The following TENM3 variants were observed in gnomAD, a reference collection of about 807,000 sequenced individuals.
TENM3 encodes teneurin transmembrane protein 3.
Under a neutral mutation model 255.1 loss-of-function variants are expected in TENM3, and 63 were observed. The observed-to-expected ratio is 0.25, with a 90% confidence interval of 0.20 to 0.30. The LOEUF (loss-of-function observed/expected upper bound fraction) is 0.30. TENM3 is among the 10% of genes least tolerant of loss of function. The pLI is 1.00. For synonymous variants in TENM3, 1,306 were observed against 1,322.3 expected (o/e 0.99, Z 0.27); for missense variants, 2,929 against 3,461.1 (o/e 0.85, Z 3.86).
chr4:182,740,246 A>G (rs1426697367), intron 18 of TENM3, among the ~76,000 whole-genome samples: 1 of 152,216 alleles, frequency 6.6e-6, no homozygotes, highest in East Asian at 1.9e-4. Flanking sequence ...AACAGAGCGG[A>G]TAACTAGTGC....
At chr4:182,331,264 G>C (rs1763736218) in intron 2 of TENM3, among the ~76,000 whole-genome samples, 1 of 152,168 alleles carries the variant, frequency 6.6e-6, no homozygotes, top group Non-Finnish European at 1.5e-5. Flanking sequence ...ACTGCATTTT[G>C]GCCGGGTGCG....
At chr4:181,945,794 C>T in the TENM3 span, among the ~76,000 whole-genome samples, 1 of 152,086 alleles carries the variant, frequency 6.6e-6, no homozygotes, top group Non-Finnish European at 1.5e-5. Context: ...TTGACTCTTT[C>T]CCAAAGGTAA....
chr4:182,589,690 CG>C (rs1746407354), intron 3 of TENM3, among the ~76,000 whole-genome samples: 1 of 151,828 alleles, frequency 6.6e-6, no homozygotes, highest in Non-Finnish European at 1.5e-5. Flanking sequence ...AAACGGTTTG[CG>C]GCCGGGCGCA....
chr4:181,767,168 C>A, the TENM3 span, among the ~76,000 whole-genome samples: 6 of 142,520 alleles, frequency 4.2e-5, no homozygotes, highest in Non-Finnish European at 7.5e-5. Flanking sequence ...AGGAGAATGG[C>A]GTGAACCCGG....
At chr4:181,696,268 C>T in the TENM3 span, among the ~76,000 whole-genome samples, 1 of 152,120 alleles carries the variant, frequency 6.6e-6, no homozygotes, top group African/African-American at 2.4e-5. Context: ...AGACTTACAG[C>T]ACACAGCAGA....
At chr4:181,836,280 TGA>T in the TENM3 span, among the ~76,000 whole-genome samples, 1 of 152,190 alleles carries the variant, frequency 6.6e-6, no homozygotes, top group East Asian at 1.9e-4. Context: ...CTGAATTATT[TGA>T]GATACTAGTC....
At position 182,726,831 on chromosome 4, in the gene TENM3, C is replaced by T. The variant is rs565751161; in HGVS notation, c.2369-2134C>T. Among the ~76,000 whole-genome samples, 11 of 152,262 alleles carry T rather than the reference C, an allele frequency of 7.2e-5. No individual in the cohort carries two copies. The South Asian group carries it at 1.2e-3, about 17-fold the overall frequency. ...GCCTTTTAGACTGGGCAATTTAATT[C>T]AACTTTGTCTGTTTTCTTTTATCTC... On this transcript the variant is annotated intron_variant, in intron 13 of 27. Transcript: ENST00000511685.
chr4:181,701,988 A>T, the TENM3 span, among the ~76,000 whole-genome samples: 1 of 152,198 alleles, frequency 6.6e-6, no homozygotes, highest in Non-Finnish European at 1.5e-5. Context: ...TCTGTTGACC[A>T]GAAGCAGCCT....
intron 12 of TENM3, among the ~76,000 whole-genome samples, chr4:182,694,048 A>C (rs552523399): frequency 7.2e-4 from 110 of 152,130 alleles, no homozygotes; most frequent in Non-Finnish European, 1.4e-3. Context: ...ATATTGTTTA[A>C]CAAGAAATTT....
At chr4:182,651,663 C>T (rs1404222947) in intron 5 of TENM3, among the ~76,000 whole-genome samples, 3 of 151,320 alleles carry the variant, frequency 2.0e-5, no homozygotes, top group African/African-American at 7.3e-5. Context: ...TGCCACTGCA[C>T]TCCATCCTGG....
At chr4:182,346,518 TG>T in intron 2 of TENM3, 132 bp from the exon 3 acceptor site, 1 of 871,488 alleles carries the variant, frequency 1.1e-6, no homozygotes, top group Non-Finnish European at 1.7e-6. Flanking sequence ...TGTAAACGCC[TG>T]GTGCTGATCG....
chr4:182,610,144 A>G (rs1024577280), intron 4 of TENM3, among the ~76,000 whole-genome samples: 3 of 152,248 alleles, frequency 2.0e-5, no homozygotes, highest in African/African-American at 7.2e-5. Flanking sequence ...AATTTGTTTT[A>G]GAAAAAACAA....
At chr4:181,846,424 C>T in the TENM3 span, among the ~76,000 whole-genome samples, 1 of 152,046 alleles carries the variant, frequency 6.6e-6, no homozygotes. Context: ...TTGTGAGGCT[C>T]TCTCCAGGGA....
At chr4:181,549,622 T>C in the TENM3 span, among the ~76,000 whole-genome samples, 1 of 152,208 alleles carries the variant, frequency 6.6e-6, no homozygotes, top group Non-Finnish European at 1.5e-5. Context: ...TTTAAAATTA[T>C]TTCATTTTTT....
the TENM3 span, among the ~76,000 whole-genome samples, chr4:181,794,063 T>C: frequency 1.3e-5 from 2 of 152,190 alleles, no homozygotes; most frequent in African/African-American, 2.4e-5. Context: ...TCGCAACATC[T>C]TTATCACTCC....
chr4:181,789,218 A>ATTTATTTTATTTTAT, the TENM3 span, among the ~76,000 whole-genome samples: 163 of 145,624 alleles, frequency 1.1e-3, no homozygotes, highest in South Asian at 2.6e-3. Flanking sequence ...AGCCCCCTTT[A>ATTTATTTTATTTTAT]TTTATTTTAT....
At chr4:181,641,805 C>CATACATATATATAT in the TENM3 span, among the ~76,000 whole-genome samples, 2 of 31,440 alleles carry the variant, frequency 6.4e-5, no homozygotes, top group African/African-American at 2.7e-4. Context: ...ACACACACAC[C>CATACATATATATAT]ATATATATAT....
the TENM3 span, among the ~76,000 whole-genome samples, chr4:181,452,146 G>C: frequency 6.6e-6 from 1 of 152,176 alleles, no homozygotes; most frequent in African/African-American, 2.4e-5. Flanking sequence ...CATTGCAACA[G>C]AGTTTTGATA....
intron 23 of TENM3, 28 bp from the exon 24 acceptor site, chr4:182,774,890 T>C: frequency 6.6e-7 from 1 of 1,516,252 alleles, no homozygotes; most frequent in Non-Finnish European, 9.1e-7. Context: ...TATCTAATAG[T>C]TCATGTTTTG....
Sources: allele counts gnomAD v4.1 joint callset (sites outside exome capture counted in the v4.1 genomes callset), GRCh38; gene constraint gnomAD v4.1.1; transcripts MANE v1.5; gene names NCBI Gene and HGNC (gene_info 2026-07-23, HGNC 2026-07-21).